The following PSMC1 variants were observed in gnomAD, a reference collection of about 807,000 sequenced individuals.
PSMC1 encodes proteasome 26S subunit, ATPase 1, also known as 26S proteasome regulatory subunit 4.
Under a neutral mutation model 49.8 loss-of-function variants are expected in PSMC1, and 5 were observed. The ratio of observed to expected loss-of-function variants is 0.10; its 90% CI spans 0.05 to 0.21. PSMC1 has a LOEUF of 0.21. PSMC1 is among the 10% of genes least tolerant of loss of function. The pLI, the probability that PSMC1 is intolerant of heterozygous loss-of-function variation, is 1.00. For synonymous variants in PSMC1, 155 were observed against 192.1 expected (o/e 0.81, Z 1.60); for missense variants, 181 against 535.7 (o/e 0.34, Z 6.54).
intron 7 of PSMC1, chr14:90,267,626 G>C (rs1343431256): frequency 6.6e-6 from 1 of 152,430 alleles, no homozygotes; most frequent in Non-Finnish European, 1.5e-5. Context: ...TGTCTCAGCT[G>C]TCTGAGCTGG....
In PSMC1 at chr14:90,263,291, T is replaced by C. The variant is rs367719810; in HGVS notation, c.155-27T>C. 28 of 1,577,274 alleles carry C rather than the reference T, an allele frequency of 1.8e-5. No homozygotes were observed. The African/African-American group carries it at 3.6e-4, about 20-fold the overall frequency. ...ACTTGCAAACTTCAGGGTCCACATATAATGAAACTTTATATTTAAATTTCA... is the reference window on the plus strand; with the variant it reads ...ACTTGCAAACTTCAGGGTCCACATACAATGAAACTTTATATTTAAATTTCA... On this transcript the variant is annotated intron_variant, in intron 3 of 10. Coordinates refer to ENST00000261303, the MANE Select transcript of PSMC1 (RefSeq NM_002802.3).
chr14:90,268,658 C>G (rs559860358), intron 8 of PSMC1: 7 of 413,684 alleles, frequency 1.7e-5, no homozygotes, highest in Non-Finnish European at 3.0e-5. Context: ...TGATCCAGGA[C>G]CATCTGGACT....
At chr14:90,257,109 G>C (rs1434574355) in intron 1 of PSMC1, among the ~76,000 whole-genome samples, 1 of 152,204 alleles carries the variant, frequency 6.6e-6, no homozygotes, top group Non-Finnish European at 1.5e-5. Flanking sequence ...ATGACAGGCG[G>C]AGCTAAGACG....
chr14:90,270,457 C>T lies in PSMC1; in HGVS notation c.1188+105C>T. 3 of 1,279,334 alleles carry T rather than the reference C, an allele frequency of 2.3e-6. No individual in the cohort carries two copies. In the South Asian group the frequency reaches 4.8e-5, roughly 20 times the overall value. The allele number at this position is 1,279,334 out of a possible 1,614,324, so 79.2% of individuals were successfully genotyped here. A position where few individuals can be genotyped will look rare whatever the true frequency, so the allele number is the denominator to read the frequency against. On this transcript the variant is annotated intron_variant, in intron 10 of 10. Coordinates refer to ENST00000261303, the MANE Select transcript of PSMC1 (RefSeq NM_002802.3). ...GTGGTTGGCCTGGACAGGTGGGTGT[C>T]TGTATTTTAATCATCATATTGGTTT...
intron 8 of PSMC1, 48 bp from the exon 9 acceptor site, chr14:90,269,349 C>G (rs762767273): frequency 1.3e-5 from 20 of 1,516,978 alleles, no homozygotes; most frequent in Non-Finnish European, 1.7e-5. Flanking sequence ...TCCCCTTGAG[C>G]AGGCGATCAG....
At position 90,269,532 on chromosome 14, in the gene PSMC1, A is replaced by C; in HGVS notation, c.1017A>C (p.Pro339=). ...MATNRIETLD[P]ALIRPGRIDR... is the part of the protein sequence containing the mutation. The stretch of plus-strand genomic sequence containing the variant: ...CAAACCGAATAGAAACTTTGGATCC[A>C]GCACTTATCAGACCAGGTTAAATTT... The change falls in exon 9 of 11, where the codon CCA becomes CCC. Residue 339 remains proline, a synonymous_variant. Coordinates refer to ENST00000261303, the MANE Select transcript of PSMC1 (RefSeq NM_002802.3). 1 of 1,613,900 alleles carries C rather than the reference A, an allele frequency of 6.2e-7. No homozygotes were observed. Among genetic ancestry groups the C allele is most frequent in the Non-Finnish European group, 8.5e-7 (1 of 1,179,918 alleles).
In PSMC1 at chr14:90,269,134, A is replaced by AG. The variant is rs1337704668; in HGVS notation, c.882-263_882-262insG. 71 of 416,506 alleles carry AG rather than the reference A, an allele frequency of 1.7e-4. No homozygotes were observed. The East Asian group carries it at 3.0e-3, about 17-fold the overall frequency. The allele number at this position is 416,506 out of a possible 1,614,324, so 25.8% of individuals were successfully genotyped here. A position where few individuals can be genotyped will look rare whatever the true frequency, so the allele number is the denominator to read the frequency against. On this transcript the variant is annotated intron_variant, in intron 8 of 10. Transcript: ENST00000261303. ...CTCATGCTGTATAAGGCTCTGCCTC[A>AG]TGCCTTTAGCCCTTTCCAAAAGGCC...
chr14:90,271,548 T>TA (rs1237385473), intron 10 of PSMC1: 1 of 152,254 alleles, frequency 6.6e-6, no homozygotes, highest in African/African-American at 2.4e-5. Flanking sequence ...TTACAGTATC[T>TA]AACCAGAATA....
At chr14:90,264,965 G>T in intron 6 of PSMC1, 105 bp from the exon 7 acceptor site, 1 of 837,776 alleles carries the variant, frequency 1.2e-6, no homozygotes, top group South Asian at 1.5e-5. Context: ...AAGAGTAATT[G>T]AGATTTTTAC....
chr14:90,263,215 G>T, intron 3 of PSMC1, 103 bp from the exon 4 acceptor site: 2 of 1,227,288 alleles, frequency 1.6e-6, no homozygotes, highest in South Asian at 2.9e-5. Context: ...TTTTTCTGAA[G>T]CTATCGCCAA....
chr14:90,269,354 G>T (rs761313673), intron 8 of PSMC1, 43 bp from the exon 9 acceptor site: 4 of 1,541,022 alleles, frequency 2.6e-6, no homozygotes, highest in East Asian at 4.5e-5. Flanking sequence ...TTGAGCAGGC[G>T]ATCAGTTGAG....
At position 90,273,237 on chromosome 14, in the gene PSMC1, T is replaced by TAAC. The variant is rs113100176; in HGVS notation, c.*833_*835dup. 0.16 allele frequency: 23,598 copies of TAAC among 152,110 alleles called. 2,326 individuals are homozygous for TAAC. Among genetic ancestry groups the TAAC allele is most frequent in the Middle Eastern group, 0.29 (86 of 294 alleles). The allele number at this position is 152,110 out of a possible 1,614,324, so 9.4% of individuals were successfully genotyped here. On this transcript the variant is annotated 3_prime_UTR_variant, in exon 11 of 11. Coordinates refer to ENST00000261303, the MANE Select transcript of PSMC1 (RefSeq NM_002802.3). ...GTGTATTAGTTTTCTGTTAATACTA[T>TAAC]AACAAGTTACCACAGGCTTTGTTTA... is the stretch of plus-strand genomic sequence containing the variant.
intron 9 of PSMC1, 103 bp downstream of exon 9, chr14:90,269,651 C>T: frequency 7.7e-7 from 1 of 1,296,750 alleles, no homozygotes; most frequent in Non-Finnish European, 1.1e-6. Flanking sequence ...AAAGCAAATA[C>T]TGCAGTGAAA....
Position 90,268,280 on chromosome 14 carries a change from G to A in PSMC1, c.748G>A (p.Val250Met). Reference protein sequence around the residue: ...ANQTSATFLRVVGSELIQKYL... With the variant: ...ANQTSATFLRMVGSELIQKYL... The stretch of plus-strand genomic sequence containing the variant: ...CCAAACCTCAGCCACTTTCTTGAGA[G>A]TGGTTGGCTCTGAACTTATTCAGAA... The change falls in exon 8 of 11, where the codon GTG becomes ATG. Residue 250 changes from valine (V) to methionine (M), a missense_variant. By Grantham distance (21) the Val-to-Met change is conservative. This residue lies in a region of PSMC1 where 121 missense variants were observed against 358.6 expected (regional missense o/e 0.34). Transcript: ENST00000261303. The A allele has an allele frequency of 6.2e-7, 1 of 1,610,970 alleles. No individual in the cohort carries two copies. Among genetic ancestry groups the A allele is most frequent in the Non-Finnish European group, 8.5e-7 (1 of 1,178,334 alleles).
rs1239899222 is a variant in PSMC1 at position 90,269,135 on chromosome 14, T to A, written c.882-262T>A. 71 of 418,542 alleles carry A rather than the reference T, an allele frequency of 1.7e-4. No homozygotes were observed. In the East Asian group the frequency reaches 2.9e-3, roughly 17 times the overall value. The allele number at this position is 418,542 out of a possible 1,614,324, so 25.9% of individuals were successfully genotyped here. A position where few individuals can be genotyped will look rare whatever the true frequency, so the allele number is the denominator to read the frequency against. ...TCATGCTGTATAAGGCTCTGCCTCA[T>A]GCCTTTAGCCCTTTCCAAAAGGCCT... On this transcript the variant is annotated intron_variant, in intron 8 of 10. Transcript: ENST00000261303.
At chr14:90,259,094 ATAAAGT>A in intron 1 of PSMC1, 60 bp from the exon 2 acceptor site, 2 of 1,514,606 alleles carry the variant, frequency 1.3e-6, no homozygotes, top group Non-Finnish European at 1.8e-6. Flanking sequence ...ACAGGACAGT[ATAAAGT>A]TATTCTTTTG....
rs1442985792 is a variant in PSMC1, at chr14:90,273,548, A to T, written c.*1141A>T. On this transcript the variant is annotated 3_prime_UTR_variant, in exon 11 of 11. Coordinates refer to ENST00000261303, the MANE Select transcript of PSMC1 (RefSeq NM_002802.3). ...ACTCCAGCCTGGGCGACAGAGCAAG[A>T]CTCCGTCTCAAAAATAAATAAATAA... 1 of 152,110 alleles carries T rather than the reference A, an allele frequency of 6.6e-6. No homozygotes were observed. Among genetic ancestry groups the T allele is most frequent in the Admixed American group, 6.6e-5 (1 of 15,250 alleles). The allele number at this position is 152,110 out of a possible 1,614,324, so 9.4% of individuals were successfully genotyped here. A position where few individuals can be genotyped will look rare whatever the true frequency, so the allele number is the denominator to read the frequency against.
At chr14:90,266,665 C>A (rs774161676) in intron 7 of PSMC1, among the ~76,000 whole-genome samples, 1 of 152,224 alleles carries the variant, frequency 6.6e-6, no homozygotes, top group Non-Finnish European at 1.5e-5. Context: ...CAGGACTGGA[C>A]AAACAAGTCT....
At chr14:90,266,815 T>C in intron 7 of PSMC1, among the ~76,000 whole-genome samples, 1 of 152,238 alleles carries the variant, frequency 6.6e-6, no homozygotes, top group Admixed American at 6.5e-5. Flanking sequence ...CCCTCATTGA[T>C]GCTTTCAGGG....
Sources: gnomAD v4.1 joint callset for allele counts (sites outside exome capture counted in the v4.1 genomes callset) on GRCh38, gnomAD v4.1.1 for gene constraint, gnomAD v4.1.1 regional missense constraint, MANE v1.5 for transcripts, NCBI Gene and HGNC (gene_info 2026-07-23, HGNC 2026-07-21) for gene names.